The following MPV17L2 variants were observed in gnomAD, a reference collection of about 807,000 sequenced individuals.
The protein encoded by MPV17L2 is mpv17-like protein 2.
A neutral mutation model predicts 24.2 loss-of-function variants in MPV17L2; 25 were observed. The observed-to-expected ratio is 1.03, with a 90% CI of 0.75 to 1.44. MPV17L2 has a LOEUF of 1.44. Among genes scored for constraint, MPV17L2 ranks in the 40% most tolerant of loss-of-function variants. The probability of loss-of-function intolerance (pLI) is 0.00; values close to 1 mark genes in which losing one functional copy is unlikely to be tolerated. For missense variants in MPV17L2, 271 were observed against 276.2 expected, an observed-to-expected ratio of 0.98 and a Z score of 0.13; for synonymous variants, 130 against 121.4, an observed-to-expected ratio of 1.07 and a Z score of -0.46.
chr19:18,194,169 C>A, intron 2 of MPV17L2, 135 bp downstream of exon 2: 1 of 942,426 alleles, frequency 1.1e-6, no homozygotes. Flanking sequence ...GGAGCCAGGT[C>A]ACAGCGGGGA....
chr19:18,196,691 T>C lies in MPV17L2; in HGVS notation c.*636T>C. The C allele has an allele frequency of 3.0e-6, 1 of 338,274 alleles. No individual in the cohort carries two copies. Among genetic ancestry groups the C allele is most frequent in the South Asian group, 2.3e-5 (1 of 43,250 alleles). The allele number at this position is 338,274 out of a possible 1,614,324, so 21.0% of individuals were successfully genotyped here. On this transcript the variant is annotated 3_prime_UTR_variant, in exon 5 of 5. Coordinates refer to ENST00000599612, the MANE Select transcript of MPV17L2 (RefSeq NM_032683.3). ...GTGTTCGAGACCAGCCTGGGCAACA[T>C]AGCAAGACCCTGTCTCTATTTATAT... is the stretch of plus-strand genomic sequence containing the variant.
In MPV17L2 at chr19:18,196,370, C is replaced by CA; in HGVS notation, c.*317dup. 7.4e-7 allele frequency: 1 copy of CA among 1,348,580 alleles called. No homozygotes were observed. The highest frequency in any genetic ancestry group is 1.2e-5 in the South Asian group (1 of 81,526). 83.5% of individuals were successfully genotyped at this position (1,348,580 alleles called of 1,614,324 possible). ...CAACCAGTCTCAAGCACCAGCCCCTCAACACTGCCATCCACCTGGCTCTGG... is the reference window on the plus strand; with the variant it reads ...CAACCAGTCTCAAGCACCAGCCCCTCAAACACTGCCATCCACCTGGCTCTGG... On this transcript the variant is annotated 3_prime_UTR_variant, in exon 5 of 5. Transcript: ENST00000599612.
chr19:18,193,605 C>G lies in MPV17L2; in HGVS notation c.187+137C>G, dbSNP rs554755876. ...CCTGACCGCGCCTCTCCCCGGGTGT[C>G]TGTCTCCCCGCAGCTCTGGGTCTCC... On this transcript the variant is annotated intron_variant, in intron 1 of 4. Transcript: ENST00000599612. 2.1e-4 allele frequency: 290 copies of G among 1,405,132 alleles called. 2 individuals carry two copies. In the African/African-American group the frequency reaches 4.0e-3, roughly 19 times the overall value. The allele number at this position is 1,405,132 out of a possible 1,614,324, so 87.0% of individuals were successfully genotyped here.
At chr19:18,194,423 A>G (rs1213402915) in intron 2 of MPV17L2, among the ~76,000 whole-genome samples, 1 of 152,304 alleles carries the variant, frequency 6.6e-6, no homozygotes. Flanking sequence ...AGGCTCGGTA[A>G]AGACAGCGGT....
chr19:18,194,696 C>T (rs539061677), intron 2 of MPV17L2, 81 bp from the exon 3 acceptor site: 2 of 1,338,430 alleles, frequency 1.5e-6, no homozygotes, highest in Non-Finnish European at 2.1e-6. Flanking sequence ...CCAACCCCGC[C>T]CCCTCCATCG....
rs17856128 is a variant in MPV17L2 at position 18,194,019 on chromosome 19, G to C, written c.343G>C (p.Val115Leu). 2.5e-6 allele frequency: 4 copies of C among 1,613,958 alleles called. No homozygotes were observed. In the African/African-American group the frequency reaches 5.3e-5, roughly 22 times the overall value. The change falls in exon 2 of 5, where the codon GTC becomes CTC. Residue 115 changes from valine (V) to leucine (L), a missense_variant. Physicochemically the swap from Val to Leu is conservative, Grantham distance 32. Transcript: ENST00000599612. ...GCTGGTAGCCTCTCCATTGCTGGGC[G>C]TCTGGTACTTCTTGGGTAAGGAGCC... ...DQLVASPLLG[V>L]WYFLGLGCLE...
chr19:18,193,834 G>T, intron 1 of MPV17L2, 30 bp from the exon 2 acceptor site: 2 of 1,607,856 alleles, frequency 1.2e-6, no homozygotes, highest in Non-Finnish European at 1.7e-6. Flanking sequence ...TTGCCGGCCC[G>T]ACCCAGCCCC....
In MPV17L2 at chr19:18,193,857, CTT is replaced by C. The variant is rs750499310; in HGVS notation, c.188-6_188-5del. 7 of 1,614,106 alleles carry C rather than the reference CTT, an allele frequency of 4.3e-6. No homozygotes were observed. The highest frequency in any genetic ancestry group is 5.9e-6 in the Non-Finnish European group (7 of 1,179,970). On this transcript the variant is annotated splice_polypyrimidine_tract_variant and splice_region_variant and intron_variant, in intron 1 of 4. Coordinates refer to ENST00000599612, the MANE Select transcript of MPV17L2 (RefSeq NM_032683.3). The stretch of plus-strand genomic sequence containing the variant: ...CCGACCCAGCCCCCTGACTTACACT[CTT>C]ATAGCGAGCATGTTTGCGGTGGGCT...
At chr19:18,193,704 G>A in intron 1 of MPV17L2, 160 bp from the exon 2 acceptor site, 1 of 1,448,576 alleles carries the variant, frequency 6.9e-7, no homozygotes, top group Non-Finnish European at 9.1e-7. Flanking sequence ...GGTGGGGCTT[G>A]TAGTGGAAGA....
At chr19:18,194,713 C>T (rs191381724) in intron 2 of MPV17L2, 64 bp from the exon 3 acceptor site, 31 of 1,452,268 alleles carry the variant, frequency 2.1e-5, no homozygotes, top group Middle Eastern at 2.4e-4. Flanking sequence ...ATCGTCAGCC[C>T]ATCTTGTCGT....
At position 18,195,028 on chromosome 19, in the gene MPV17L2, C is replaced by T. The variant is rs771887246; in HGVS notation, c.506C>T (p.Thr169Ile). 1.2e-6 allele frequency: 2 copies of T among 1,614,154 alleles called. No homozygotes were observed. Among genetic ancestry groups the T allele is most frequent in the Non-Finnish European group, 8.5e-7 (1 of 1,180,010 alleles). ...TTCGTGCCCCCCCAATTTCGAGTCA[C>T]CTACATCAACGGCCTGACGCTGGGC... is the stretch of plus-strand genomic sequence containing the variant. ...FLFVPPQFRV[T>I]YINGLTLGWD... is the part of the protein sequence containing the mutation. The change falls in exon 4 of 5, where the codon ACC becomes ATC. Residue 169 changes from threonine (T) to isoleucine (I), a missense_variant. Thr to Ile is a moderately conservative substitution (Grantham distance 89, BLOSUM62 -1). Transcript: ENST00000599612.
At position 18,196,283 on chromosome 19, in the gene MPV17L2, A is replaced by T; in HGVS notation, c.*228A>T. On this transcript the variant is annotated 3_prime_UTR_variant, in exon 5 of 5. Transcript: ENST00000599612. Reference sequence around the variant, plus strand: ...GGATGATCATCCCCTAGCCCTTCTCAGCAGGAACCTCATGCGACCTGTGAC... The same window carrying T: ...GGATGATCATCCCCTAGCCCTTCTCTGCAGGAACCTCATGCGACCTGTGAC... The T allele has an allele frequency of 6.7e-7, 1 of 1,497,580 alleles. No individual in the cohort carries two copies. Among genetic ancestry groups the T allele is most frequent in the South Asian group, 1.2e-5 (1 of 82,862 alleles). The allele number at this position is 1,497,580 out of a possible 1,614,324, so 92.8% of individuals were successfully genotyped here.
In MPV17L2 at chr19:18,194,007, C is replaced by T; in HGVS notation, c.331C>T (p.Pro111Ser). ...CCTCGTGGATCAGCTGGTAGCCTCT[C>T]CATTGCTGGGCGTCTGGTACTTCTT... Reference protein sequence around the residue: ...KVLVDQLVASPLLGVWYFLGL... With the variant: ...KVLVDQLVASSLLGVWYFLGL... The change falls in exon 2 of 5, where the codon CCA (proline) becomes TCA (serine). Residue 111 changes from proline to serine, a missense_variant. By Grantham distance (74) the Pro-to-Ser change is moderately conservative (BLOSUM62 -1). Coordinates refer to ENST00000599612, the MANE Select transcript of MPV17L2 (RefSeq NM_032683.3). The T allele has an allele frequency of 1.9e-6, 3 of 1,614,178 alleles. No individual in the cohort carries two copies. The highest frequency in any genetic ancestry group is 2.5e-6 in the Non-Finnish European group (3 of 1,180,006).
Position 18,196,509 on chromosome 19 carries a change from C to A in MPV17L2, c.*454C>A, listed in dbSNP as rs1967522410. ...CGGCCCCCAAAAGTTTCACATAGGG[C>A]CAGGCAGCCTCTGTGTTTCTTTCCC... On this transcript the variant is annotated 3_prime_UTR_variant, in exon 5 of 5. Transcript: ENST00000599612. 9.1e-7 allele frequency: 1 copy of A among 1,093,080 alleles called. No homozygotes were observed. The highest frequency in any genetic ancestry group is 1.2e-6 in the Non-Finnish European group (1 of 821,474). 67.7% of individuals were successfully genotyped at this position (1,093,080 alleles called of 1,614,324 possible).
chr19:18,194,613 C>G (rs1967477617), intron 2 of MPV17L2, among the ~76,000 whole-genome samples, 164 bp from the exon 3 acceptor site: 1 of 152,346 alleles, frequency 6.6e-6, no homozygotes, highest in Middle Eastern at 3.4e-3. Context: ...ACCAGCTACC[C>G]TAATTCTCTG....
chr19:18,194,214 T>C (rs1967471952), intron 2 of MPV17L2, 180 bp downstream of exon 2: 3 of 665,630 alleles, frequency 4.5e-6, no homozygotes, highest in Middle Eastern at 4.0e-4. Context: ...CGCTGGCGAG[T>C]GTAGGAGGGA....
At chr19:18,195,916 C>A in intron 4 of MPV17L2, 83 bp from the exon 5 acceptor site, 2 of 1,381,518 alleles carry the variant, frequency 1.4e-6, no homozygotes, top group South Asian at 1.3e-5. Flanking sequence ...TTGAGCAGGG[C>A]TGACCTCTGG....
chr19:18,196,159 TC>T lies in MPV17L2; in HGVS notation c.*107del, dbSNP rs1967515852. On this transcript the variant is annotated 3_prime_UTR_variant, in exon 5 of 5. Transcript: ENST00000599612. Reference sequence around the variant, plus strand: ...CAGCAAGCTCGGGTCTTGAGCCACGTCCCAGCACCACTTCAGCTCCGGAGCA... The same window carrying T: ...CAGCAAGCTCGGGTCTTGAGCCACGTCCAGCACCACTTCAGCTCCGGAGCA... 6.3e-7 allele frequency: 1 copy of T among 1,589,200 alleles called. No individual in the cohort carries two copies. Among genetic ancestry groups the T allele is most frequent in the African/African-American group, 1.3e-5 (1 of 74,576 alleles).
At position 18,196,375 on chromosome 19, in the gene MPV17L2, C is replaced by T; in HGVS notation, c.*320C>T. 1 of 1,339,658 alleles carries T rather than the reference C, an allele frequency of 7.5e-7. No individual in the cohort carries two copies. The highest frequency in any genetic ancestry group is 9.8e-7 in the Non-Finnish European group (1 of 1,021,208). 83.0% of individuals were successfully genotyped at this position (1,339,658 alleles called of 1,614,324 possible). On this transcript the variant is annotated 3_prime_UTR_variant, in exon 5 of 5. Transcript: ENST00000599612. ...AGTCTCAAGCACCAGCCCCTCAACA[C>T]TGCCATCCACCTGGCTCTGGGCCAA...
Sources: allele counts gnomAD v4.1 joint callset (sites outside exome capture counted in the v4.1 genomes callset), GRCh38; gene constraint gnomAD v4.1.1; transcripts MANE v1.5; gene names NCBI Gene and HGNC (gene_info 2026-07-23, HGNC 2026-07-21).